The following CAMSAP2 variants were observed in gnomAD, a reference collection of about 807,000 sequenced individuals.
The protein encoded by CAMSAP2 is calmodulin-regulated spectrin-associated protein 2.
In CAMSAP2, 26 loss-of-function variants were observed where a neutral mutation model predicts 146.1. The ratio of observed to expected loss-of-function variants is 0.18; its 90% CI spans 0.13 to 0.25. CAMSAP2 has a LOEUF of 0.25. Among genes scored for constraint, CAMSAP2 ranks in the 10% least tolerant of loss-of-function variants. The pLI is 1.00. For missense variants in CAMSAP2, 1,381 were observed against 1,759.3 expected (o/e 0.78, Z 3.85); for synonymous variants, 499 against 596.6 (o/e 0.84, Z 2.38).
intron 7 of CAMSAP2, among the ~76,000 whole-genome samples, chr1:200,842,868 C>T (rs903846222): frequency 1.3e-5 from 2 of 151,174 alleles, no homozygotes; most frequent in African/African-American, 2.4e-5. Flanking sequence ...TCCAGCTACT[C>T]GGGAGGCTGA....
rs74432126 is a variant in CAMSAP2, at chr1:200,770,704, G to A, written c.399+9606G>A. Reference sequence around the variant, plus strand: ...GCTGGGATTACAGGCGTGAGCCACCGCACCTGGCCTACTATTTCTATAGTA... The same window carrying A: ...GCTGGGATTACAGGCGTGAGCCACCACACCTGGCCTACTATTTCTATAGTA... On this transcript the variant is annotated intron_variant, in intron 2 of 16. Coordinates refer to ENST00000358823, the MANE Select transcript of CAMSAP2 (RefSeq NM_203459.4). Among the ~76,000 whole-genome samples the A allele has an allele frequency of 4.6e-3, 695 of 152,190 alleles. 43 individuals are homozygous for A. In the East Asian group the frequency reaches 0.11, roughly 23 times the overall value.
At chr1:200,828,113 TA>T (rs534539084) in intron 4 of CAMSAP2, among the ~76,000 whole-genome samples, 18 of 152,276 alleles carry the variant, frequency 1.2e-4, no homozygotes, top group African/African-American at 4.3e-4. Context: ...TTATTTGCTT[TA>T]TACTTGTTTT....
At chr1:200,770,804 G>A (rs905193554) in intron 2 of CAMSAP2, among the ~76,000 whole-genome samples, 2 of 152,142 alleles carry the variant, frequency 1.3e-5, no homozygotes, top group Non-Finnish European at 2.9e-5. Context: ...AAATAGGGCA[G>A]TTATTACCAT....
intron 4 of CAMSAP2, among the ~76,000 whole-genome samples, chr1:200,826,616 G>A (rs1435780821): frequency 6.6e-6 from 1 of 152,112 alleles, no homozygotes; most frequent in Admixed American, 6.5e-5. Flanking sequence ...TACCTTGCCA[G>A]AATGTTGTAG....
Position 200,809,662 on chromosome 1 carries a change from C to T in CAMSAP2, c.561+2125C>T, listed in dbSNP as rs533186688. On this transcript the variant is annotated intron_variant, in intron 3 of 16. Coordinates refer to ENST00000358823, the MANE Select transcript of CAMSAP2 (RefSeq NM_203459.4). ...AGGAGAATCACTTGAACCTGGGAGGCGGAGGTTGCAGTGAGCCGAGATCGC... is the reference window on the plus strand; with the variant it reads ...AGGAGAATCACTTGAACCTGGGAGGTGGAGGTTGCAGTGAGCCGAGATCGC... Among the ~76,000 whole-genome samples the T allele has an allele frequency of 1.1e-4, 17 of 152,200 alleles. No individual in the cohort carries two copies. The South Asian group carries it at 3.1e-3, about 28-fold the overall frequency.
intron 2 of CAMSAP2, among the ~76,000 whole-genome samples, chr1:200,801,193 G>A (rs1160515150): frequency 2.0e-5 from 3 of 152,044 alleles, no homozygotes; most frequent in Admixed American, 2.0e-4. Context: ...GAACCCAGGA[G>A]GTGGAGGTTG....
intron 1 of CAMSAP2, among the ~76,000 whole-genome samples, chr1:200,745,679 G>A (rs974123819): frequency 1.3e-5 from 2 of 152,098 alleles, no homozygotes; most frequent in Non-Finnish European, 2.9e-5. Flanking sequence ...TGCCATGTTG[G>A]CCTGGCTGGT....
At chr1:200,765,480 C>T (rs1043530640) in intron 2 of CAMSAP2, among the ~76,000 whole-genome samples, 19 of 152,162 alleles carry the variant, frequency 1.2e-4, no homozygotes, top group Non-Finnish European at 2.1e-4. Context: ...CCACTCACCT[C>T]GGCCTCCCAA....
rs138645436 is a variant in CAMSAP2 at position 200,777,877 on chromosome 1, C to G, written c.399+16779C>G. Among the ~76,000 whole-genome samples the G allele has an allele frequency of 2.0e-3, 299 of 152,220 alleles. 1 individual carries two copies. Among genetic ancestry groups the G allele is most frequent in the African/African-American group, 7.0e-3 (291 of 41,534 alleles). ...ATGGCTTGTGCCTGGGAGGTAAAGG[C>G]TGCAATGAGCTGTGATTATGCCACT... On this transcript the variant is annotated intron_variant, in intron 2 of 16. Transcript: ENST00000358823.
In CAMSAP2 at chr1:200,841,114, TTAGG is replaced by T. The variant is rs1209124046; in HGVS notation, c.928-876_928-873del. ...TTGACTTATTGATAACTTTTCAAAG[TTAGG>T]TAGATACATTCATTGTATAAATAAT... On this transcript the variant is annotated intron_variant, in intron 6 of 16. Coordinates refer to ENST00000358823, the MANE Select transcript of CAMSAP2 (RefSeq NM_203459.4). 5.3e-5 allele frequency among the ~76,000 whole-genome samples: 8 copies of T among 152,300 alleles called. No individual in the cohort carries two copies. The East Asian group carries it at 1.3e-3, about 26-fold the overall frequency.
chr1:200,846,091 C>G (rs1667453431), intron 8 of CAMSAP2, among the ~76,000 whole-genome samples: 1 of 152,062 alleles, frequency 6.6e-6, no homozygotes, highest in South Asian at 2.1e-4. Context: ...GAAATTCAGA[C>G]ACATTAAAAA....
intron 4 of CAMSAP2, among the ~76,000 whole-genome samples, chr1:200,816,842 GTGTACACACACACGCGTGTGTA>G (rs1666538021): frequency 1.2e-5 from 1 of 82,422 alleles, no homozygotes; most frequent in Admixed American, 1.2e-4. Flanking sequence ...GTGTGTATGT[GTGTACACACACACGCGTGTGTA>G]TGTGTGTACA....
intron 11 of CAMSAP2, 62 bp downstream of exon 11, chr1:200,850,296 AT>A (rs150601775): frequency 0.12 from 157,066 of 1,324,206 alleles, 8,530 homozygotes; most frequent in Non-Finnish European, 0.13. Context: ...TGTGTTGGAT[AT>A]TTTTTTTTTC....
At chr1:200,816,691 T>C (rs12756217) in intron 4 of CAMSAP2, among the ~76,000 whole-genome samples, 4,482 of 26,142 alleles carry the variant, frequency 0.17, 1,566 homozygotes, top group Middle Eastern at 0.22. Context: ...TATATGTACA[T>C]GCACACATAT....
At chr1:200,812,721 A>T (rs1425370824) in intron 3 of CAMSAP2, among the ~76,000 whole-genome samples, 1 of 152,208 alleles carries the variant, frequency 6.6e-6, no homozygotes, top group Non-Finnish European at 1.5e-5. Context: ...GTTTAAACTT[A>T]AAAAAGCAAA....
chr1:200,781,447 C>T (rs1458430484), intron 2 of CAMSAP2, among the ~76,000 whole-genome samples: 7 of 152,224 alleles, frequency 4.6e-5, no homozygotes, highest in African/African-American at 2.4e-5. Context: ...TTGAAAAATA[C>T]GTATGTTCTG....
intron 3 of CAMSAP2, among the ~76,000 whole-genome samples, chr1:200,810,050 A>G (rs1343586729): frequency 6.6e-6 from 1 of 152,222 alleles, no homozygotes; most frequent in Non-Finnish European, 1.5e-5. Context: ...CAGTACTGCC[A>G]CAGTGGAGAT....
At chr1:200,785,360 A>G (rs757733105) in intron 2 of CAMSAP2, among the ~76,000 whole-genome samples, 7 of 150,410 alleles carry the variant, frequency 4.7e-5, no homozygotes, top group Non-Finnish European at 1.0e-4. Flanking sequence ...TAGGTATGCC[A>G]CCGGGGCTTG....
At chr1:200,787,977 C>G (rs904577350) in intron 2 of CAMSAP2, among the ~76,000 whole-genome samples, 1 of 152,092 alleles carries the variant, frequency 6.6e-6, no homozygotes, top group Non-Finnish European at 1.5e-5. Flanking sequence ...AATGATATTG[C>G]ACTCAATAGA....
Sources: allele counts gnomAD v4.1 joint callset (sites outside exome capture counted in the v4.1 genomes callset), GRCh38; gene constraint gnomAD v4.1.1; transcripts MANE v1.5; gene names NCBI Gene and HGNC (gene_info 2026-07-23, HGNC 2026-07-21).